The following MACF1 variants were observed in gnomAD, a reference collection of about 807,000 sequenced individuals.
MACF1 encodes microtubule-actin cross-linking factor 1.
A neutral mutation model predicts 854.8 loss-of-function variants in MACF1; 193 were observed. The observed-to-expected ratio is 0.23, with a 90% CI of 0.20 to 0.25. The LOEUF (loss-of-function observed/expected upper bound fraction) is 0.25. Ranked by LOEUF, MACF1 falls within the 10% of genes least tolerant of loss-of-function variation. The probability of loss-of-function intolerance (pLI) is 1.00; values close to 1 mark genes in which losing one functional copy is unlikely to be tolerated. For missense variants in MACF1, 7,722 were observed against 8,929.1 expected, an observed-to-expected ratio of 0.86 and a Z score of 5.45; for synonymous variants, 3,185 against 3,226.7, an observed-to-expected ratio of 0.99 and a Z score of 0.44.
In MACF1 at chr1:39,444,666, T is replaced by C; in HGVS notation, c.19436T>C (p.Leu6479Pro). Residue 6479 changes from leucine to proline, a missense_variant, in exon 80 of 101, where the codon CTC (leucine) becomes CCC (proline). Physicochemically the swap from Leu to Pro is moderately conservative, Grantham distance 98. Around this residue, in one of 15 missense-constraint regions of MACF1, gnomAD observed 729 missense variants for 900.5 expected, o/e 0.81. Coordinates refer to ENST00000564288, the MANE Select transcript of MACF1 (RefSeq NM_001394062.1). ...AREQLDTHMELYSQLKAKEET... is the reference protein window; with the variant it reads ...AREQLDTHMEPYSQLKAKEET... Reference sequence around the variant, plus strand: ...CTTTCCTGCCTTTTCTTGTAGGAACTCTATTCCCAGCTGAAAGCCAAGGAA... The same window carrying C: ...CTTTCCTGCCTTTTCTTGTAGGAACCCTATTCCCAGCTGAAAGCCAAGGAA... The C allele has an allele frequency of 6.2e-7, 1 of 1,609,784 alleles. No individual in the cohort carries two copies. Among genetic ancestry groups the C allele is most frequent in the Non-Finnish European group, 8.5e-7 (1 of 1,177,046 alleles).
intron 59 of MACF1, 48 bp from the exon 60 acceptor site, chr1:39,422,682 A>G: frequency 1.9e-6 from 3 of 1,583,776 alleles, no homozygotes; most frequent in Non-Finnish European, 2.6e-6. Context: ...AGTAATTTGA[A>G]AACTACTTTC....
At chr1:39,176,535 A>G (rs1644032027) in intron 2 of MACF1, among the ~76,000 whole-genome samples, 1 of 152,112 alleles carries the variant, frequency 6.6e-6, no homozygotes, top group African/African-American at 2.4e-5. Flanking sequence ...TACCTTGCAT[A>G]TGAGGCTCTT....
chr1:39,439,578 G>A (rs1644057155), intron 72 of MACF1, 78 bp downstream of exon 72: 3 of 1,151,134 alleles, frequency 2.6e-6, no homozygotes, highest in Non-Finnish European at 3.8e-6. Flanking sequence ...AGTGAGGTAT[G>A]TTAACTGCTT....
rs967257704 is a variant in MACF1 at position 39,333,504 on chromosome 1, C to T, written c.6916C>T (p.Leu2306Phe). Reference protein sequence around the residue: ...GIFHEQTGQKLLLNEAISRGI... With the variant: ...GIFHEQTGQKFLLNEAISRGI... The stretch of plus-strand genomic sequence containing the variant: ...CTTTCATGAACAAACAGGTCAAAAG[C>T]TCTTACTAAATGAAGCAATATCCCG... The change falls in exon 37 of 101, where the codon CTC (leucine) becomes TTC (phenylalanine). Residue 2306 changes from leucine (L) to phenylalanine (F), a missense_variant. Coordinates refer to ENST00000564288, the MANE Select transcript of MACF1 (RefSeq NM_001394062.1). 1.9e-6 allele frequency: 3 copies of T among 1,614,034 alleles called. No homozygotes were observed. The African/African-American group carries it at 4.0e-5, about 22-fold the overall frequency.
chr1:39,393,196 A>AAAAAAAAAAATAT (rs57576149), intron 58 of MACF1, among the ~76,000 whole-genome samples: 1 of 66,576 alleles, frequency 1.5e-5, no homozygotes, highest in African/African-American at 8.4e-5. Flanking sequence ...AAAAAAAAAA[A>AAAAAAAAAAATAT]ATATATATAT....
intron 2 of MACF1, among the ~76,000 whole-genome samples, chr1:39,143,523 T>C (rs1643393465): frequency 6.6e-6 from 1 of 152,176 alleles, no homozygotes. Flanking sequence ...ATTCAGTCTT[T>C]CCATTTGCAG....
intron 92 of MACF1, among the ~76,000 whole-genome samples, chr1:39,461,296 C>T (rs930503738): frequency 7.2e-5 from 11 of 151,954 alleles, no homozygotes; most frequent in African/African-American, 2.7e-4. Context: ...ATCTAAATAT[C>T]CAATAATTGT....
chr1:39,105,942 C>T lies in MACF1; in HGVS notation c.220+21504C>T, dbSNP rs1168959617. ...GTCGGCGCGCTCAGAGCGCCAGTTACATGATTTGCCCTATTATCCGGCCCC... is the reference window on the plus strand; with the variant it reads ...GTCGGCGCGCTCAGAGCGCCAGTTATATGATTTGCCCTATTATCCGGCCCC... On this transcript the variant is annotated intron_variant, in intron 2 of 93. Transcript: ENST00000361689. This position sits in a 1 kb window ranked among gnomAD's most constrained non-coding sequence, Gnocchi z 5.9. Among the ~76,000 whole-genome samples the T allele has an allele frequency of 6.6e-6, 1 of 152,342 alleles. No homozygotes were observed. Among genetic ancestry groups the T allele is most frequent in the African/African-American group, 2.4e-5 (1 of 41,590 alleles).
At chr1:39,235,247 C>T (rs1557534963) in intron 2 of MACF1, among the ~76,000 whole-genome samples, 1 of 152,390 alleles carries the variant, frequency 6.6e-6, no homozygotes, top group Admixed American at 6.5e-5. Context: ...ACTCCGTCTG[C>T]AATCCCGGCA....
chr1:39,302,446 G>T (rs1244452074), intron 22 of MACF1, among the ~76,000 whole-genome samples: 2 of 152,208 alleles, frequency 1.3e-5, no homozygotes, highest in Non-Finnish European at 2.9e-5. Flanking sequence ...CTGCCTGTAA[G>T]TTAGGGATAA....
chr1:39,177,743 C>G (rs2148229582), intron 2 of MACF1, among the ~76,000 whole-genome samples: 1 of 152,132 alleles, frequency 6.6e-6, no homozygotes, highest in East Asian at 1.9e-4. Context: ...TTGCTCCGGG[C>G]ACTATTTCCT....
chr1:39,364,296 C>G lies in MACF1; in HGVS notation c.12771+2619C>G, dbSNP rs567996746. Among the ~76,000 whole-genome samples the G allele has an allele frequency of 2.7e-5, 4 of 150,660 alleles. No individual in the cohort carries two copies. The South Asian group carries it at 8.4e-4, about 31-fold the overall frequency. ...TGAGTGTATTTTTACATTTAAGAGT[C>G]ATTTATTTGTGAACTATCTGTTCAT... On this transcript the variant is annotated intron_variant, in intron 49 of 100. Transcript: ENST00000564288.
intron 2 of MACF1, among the ~76,000 whole-genome samples, chr1:39,132,016 A>G (rs1202458906): frequency 6.6e-6 from 1 of 152,204 alleles, no homozygotes; most frequent in Admixed American, 6.5e-5. Context: ...GAAGTGTTCC[A>G]TCTGACTACC....
At chr1:39,361,122 A>C in intron 48 of MACF1, 121 bp downstream of exon 48, 1 of 892,816 alleles carries the variant, frequency 1.1e-6, no homozygotes, top group East Asian at 2.6e-5. Context: ...TAAGATTTAG[A>C]AATGATAACT....
intron 2 of MACF1, among the ~76,000 whole-genome samples, chr1:39,196,478 G>A (rs1249570736): frequency 3.3e-5 from 5 of 152,178 alleles, no homozygotes. Flanking sequence ...GTACTCATGG[G>A]AGGGGACAGA....
Position 39,204,814 on chromosome 1 carries a change from AC to A in MACF1, c.-208del, listed in dbSNP as rs1644431962. On this transcript the variant is annotated 5_prime_UTR_variant, in exon 1 of 101. Transcript: ENST00000564288. The stretch of plus-strand genomic sequence containing the variant: ...CTGGGCTTTGTCTGAGATACACTGT[AC>A]AGTTTTAGTCCCAGTCTACTAGCGC... 1.8e-6 allele frequency: 1 copy of A among 559,054 alleles called. No individual in the cohort carries two copies. The highest frequency in any genetic ancestry group is 3.2e-6 in the Non-Finnish European group (1 of 312,472). 34.6% of individuals were successfully genotyped at this position (559,054 alleles called of 1,614,324 possible).
intron 58 of MACF1, among the ~76,000 whole-genome samples, chr1:39,416,406 A>G (rs1643310956): frequency 6.6e-6 from 1 of 152,100 alleles, no homozygotes; most frequent in Non-Finnish European, 1.5e-5. Flanking sequence ...AACATTTGGG[A>G]AGCCAAGGGA....
chr1:39,184,070 T>C (rs545754465), intron 2 of MACF1, among the ~76,000 whole-genome samples: 29 of 152,366 alleles, frequency 1.9e-4, no homozygotes, highest in African/African-American at 7.0e-4. Flanking sequence ...TCAGAATGAT[T>C]GACCAGCATA....
At chr1:39,381,253 C>A (rs1051264447) in intron 55 of MACF1, among the ~76,000 whole-genome samples, 2 of 151,008 alleles carry the variant, frequency 1.3e-5, no homozygotes, top group Non-Finnish European at 2.9e-5. Flanking sequence ...GAGGGGGTTT[C>A]TCCATGTTGG....
Sources: gnomAD v4.1 joint callset for allele counts (sites outside exome capture counted in the v4.1 genomes callset) on GRCh38, gnomAD v4.1.1 for gene constraint, gnomAD v4.1.1 regional missense constraint, Gnocchi (gnomAD v3.1) non-coding constraint, MANE v1.5 for transcripts, NCBI Gene and HGNC (gene_info 2026-07-23, HGNC 2026-07-21) for gene names.